The following ASXL3 variants were observed in gnomAD, a reference collection of about 807,000 sequenced individuals.
ASXL3 encodes ASXL transcriptional regulator 3, also known as putative Polycomb group protein ASXL3.
ASXL3 carries 34 observed loss-of-function variants against 170.6 expected under a neutral mutation model. The observed-to-expected ratio is 0.20, with a 90% confidence interval of 0.15 to 0.27. ASXL3 has a LOEUF of 0.27. ASXL3 is among the 10% of genes least tolerant of loss of function. The pLI is 1.00. For missense variants in ASXL3, 2,592 were observed against 2,695.3 expected (o/e 0.96, Z 0.85); for synonymous variants, 1,002 against 989.1 (o/e 1.01, Z -0.24).
At position 33,747,277 on chromosome 18, in the gene ASXL3, G is replaced by C. The variant is rs1302014947; in HGVS notation, c.*682G>C. The C allele has an allele frequency of 6.6e-6, 1 of 152,060 alleles. No homozygotes were observed. The highest frequency in any genetic ancestry group is 2.4e-5 in the African/African-American group (1 of 41,396). The allele number at this position is 152,060 out of a possible 1,614,324, so 9.4% of individuals were successfully genotyped here. ...TTGTAGTGAAATGTGTCCTACATCT[G>C]AAATTGCATGGGACTCATGCCCAGC... On this transcript the variant is annotated 3_prime_UTR_variant, in exon 12 of 12. Transcript: ENST00000269197.
At chr18:33,670,832 G>T in intron 6 of ASXL3, 42 bp downstream of exon 6, 1 of 1,295,268 alleles carries the variant, frequency 7.7e-7, no homozygotes, top group Non-Finnish European at 1.1e-6. Flanking sequence ...GTTTCTTCCT[G>T]GAGGAGACTT....
intron 2 of ASXL3, among the ~76,000 whole-genome samples, chr18:33,618,930 C>T (rs1221989447): frequency 1.3e-5 from 2 of 152,046 alleles, no homozygotes; most frequent in African/African-American, 4.8e-5. Context: ...ATTTTCTTGG[C>T]ATAGTGCTGA....
At chr18:33,680,564 T>C (rs926439801) in intron 7 of ASXL3, among the ~76,000 whole-genome samples, 1 of 152,104 alleles carries the variant, frequency 6.6e-6, no homozygotes, top group African/African-American at 2.4e-5. Flanking sequence ...GTTAAGACTT[T>C]CTGGTAACAT....
intron 2 of ASXL3, among the ~76,000 whole-genome samples, chr18:33,626,363 G>A (rs928378111): frequency 6.6e-5 from 10 of 152,074 alleles, no homozygotes; most frequent in South Asian, 2.1e-4. Context: ...TCAGTCTTGA[G>A]CTCTTTGATC....
Position 33,739,405 on chromosome 18 carries a change from C to G in ASXL3, c.2001C>G (p.Ser667=). ...CAGACAAATACAACCAGAGAAATTC[C>G]ACTGATGAAAACTTTCATGCATCTT... The part of the protein sequence containing the change: ...ENTDKYNQRN[S]TDENFHASLM... The change falls in exon 11 of 12, where the codon TCC becomes TCG. Residue 667 remains serine (S), a synonymous_variant. Coordinates refer to ENST00000269197, the MANE Select transcript of ASXL3 (RefSeq NM_030632.3). The G allele has an allele frequency of 6.2e-7, 1 of 1,613,830 alleles. No individual in the cohort carries two copies. Among genetic ancestry groups the G allele is most frequent in the Non-Finnish European group, 8.5e-7 (1 of 1,179,800 alleles).
chr18:33,608,943 T>C, intron 2 of ASXL3: 1 of 763,758 alleles, frequency 1.3e-6, no homozygotes, highest in Non-Finnish European at 1.6e-6. Context: ...AGGACACCTA[T>C]GCTCAAATTT....
At chr18:33,690,219 A>G (rs1460630473) in intron 8 of ASXL3, 1 of 152,104 alleles carries the variant, frequency 6.6e-6, no homozygotes, top group East Asian at 1.9e-4. Flanking sequence ...TTCTGATCTT[A>G]TAGTATACTT....
At chr18:33,678,921 G>A (rs1388091150) in intron 7 of ASXL3, among the ~76,000 whole-genome samples, 1 of 152,126 alleles carries the variant, frequency 6.6e-6, no homozygotes, top group Non-Finnish European at 1.5e-5. Flanking sequence ...GGACATCTTT[G>A]AAATAGATCT....
chr18:33,670,546 G>A, intron 5 of ASXL3, 127 bp from the exon 6 acceptor site: 1 of 592,262 alleles, frequency 1.7e-6, no homozygotes, highest in South Asian at 3.1e-5. Flanking sequence ...GAGAAATTAG[G>A]GGCTCTGTGG....
At chr18:33,645,568 T>A (rs1278558714) in intron 3 of ASXL3, among the ~76,000 whole-genome samples, 3 of 152,008 alleles carry the variant, frequency 2.0e-5, no homozygotes, top group Non-Finnish European at 4.4e-5. Context: ...TTTAAAGGCA[T>A]TCCCATTTTT....
Position 33,740,391 on chromosome 18 carries a change from C to A in ASXL3, c.2987C>A (p.Pro996Gln). 1 of 1,604,804 alleles carries A rather than the reference C, an allele frequency of 6.2e-7. No homozygotes were observed. The highest frequency in any genetic ancestry group is 1.1e-5 in the South Asian group (1 of 89,520). Residue 996 changes from proline to glutamine, a missense_variant, in exon 11 of 12, where the codon CCA (proline) becomes CAA (glutamine). By Grantham distance (76) the Pro-to-Gln change is moderately conservative. Around this residue, in one of 4 missense-constraint regions of ASXL3, gnomAD observed 2,246 missense variants for 2,219.6 expected, o/e 1.01. Transcript: ENST00000269197. ...QSTRNISSSSPPEKEQPPREE... is the reference protein window; with the variant it reads ...QSTRNISSSSQPEKEQPPREE... ...ACCCGGAACATATCATCTAGCAGCCCACCTGAGAAAGAACAGCCTCCCAGA... is the reference window on the plus strand; with the variant it reads ...ACCCGGAACATATCATCTAGCAGCCAACCTGAGAAAGAACAGCCTCCCAGA...
rs762444928 is a variant in ASXL3 at position 33,746,591 on chromosome 18, G to A, written c.6743G>A (p.Arg2248Gln). 1.9e-6 allele frequency: 3 copies of A among 1,578,198 alleles called. No individual in the cohort carries two copies. Among genetic ancestry groups the A allele is most frequent in the African/African-American group, 1.3e-5 (1 of 74,390 alleles). Residue 2248 changes from arginine to glutamine, a missense_variant, in exon 12 of 12, where the codon CGA becomes CAA. Around this residue, in one of 4 missense-constraint regions of ASXL3, gnomAD observed 22 missense variants for 51.1 expected, o/e 0.43. Coordinates refer to ENST00000269197, the MANE Select transcript of ASXL3 (RefSeq NM_030632.3). ...CTTTGTGTAGCATGCCTGGTTGTACGATAAGAGCTGAGTGAAAGATGCAGT... is the reference window on the plus strand; with the variant it reads ...CTTTGTGTAGCATGCCTGGTTGTACAATAAGAGCTGAGTGAAAGATGCAGT... ...SKLCVACLVV[R>Q] is the part of the protein sequence containing the mutation.
rs369552758 is a variant in ASXL3 at position 33,674,593 on chromosome 18, T to C, written c.715+2727T>C. 6.6e-5 allele frequency among the ~76,000 whole-genome samples: 10 copies of C among 151,990 alleles called. No homozygotes were observed. In the East Asian group the frequency reaches 1.2e-3, roughly 18 times the overall value. On this transcript the variant is annotated intron_variant, in intron 7 of 11. Coordinates refer to ENST00000269197, the MANE Select transcript of ASXL3 (RefSeq NM_030632.3). ...ATGGAATGAAAGGATGGGCCTTAAA[T>C]GTAACCATCTCCAGAAAGTAACCCA...
At chr18:33,599,057 G>A (rs183074072) in intron 1 of ASXL3, among the ~76,000 whole-genome samples, 2 of 152,064 alleles carry the variant, frequency 1.3e-5, no homozygotes, top group Non-Finnish European at 2.9e-5. Flanking sequence ...AAAGAGAAGA[G>A]AAAAATTTTT....
At chr18:33,659,688 A>T (rs1253812148) in intron 4 of ASXL3, among the ~76,000 whole-genome samples, 1 of 152,092 alleles carries the variant, frequency 6.6e-6, no homozygotes, top group African/African-American at 2.4e-5. Context: ...AGGTGTTAAA[A>T]ATTATTCCAG....
chr18:33,724,453 G>T (rs1265346231), intron 8 of ASXL3, among the ~76,000 whole-genome samples: 2 of 151,998 alleles, frequency 1.3e-5, no homozygotes, highest in East Asian at 3.9e-4. Context: ...GAGGAATATA[G>T]TCTCTAGCAT....
chr18:33,646,277 G>A lies in ASXL3; in HGVS notation c.279G>A (p.Thr93=), dbSNP rs776472092. The part of the protein sequence containing the change: ...KEESSCPADG[T]LDLVCESELD... ...AGTCGTCATGCCCAGCAGATGGCACGTTGGATTTAGTCTGTGAATCTGAAT... is the reference window on the plus strand; with the variant it reads ...AGTCGTCATGCCCAGCAGATGGCACATTGGATTTAGTCTGTGAATCTGAAT... The change falls in exon 4 of 12, where the codon ACG becomes ACA. Residue 93 remains threonine (T), a synonymous_variant. Coordinates refer to ENST00000269197, the MANE Select transcript of ASXL3 (RefSeq NM_030632.3). 30 of 1,611,186 alleles carry A rather than the reference G, an allele frequency of 1.9e-5. No homozygotes were observed. The highest frequency in any genetic ancestry group is 4.5e-5 in the East Asian group (2 of 44,774).
intron 8 of ASXL3, among the ~76,000 whole-genome samples, chr18:33,712,452 A>G (rs1170483322): frequency 6.6e-6 from 1 of 152,160 alleles, no homozygotes; most frequent in Non-Finnish European, 1.5e-5. Context: ...AATTTAGGTT[A>G]TTGGGGAAGG....
At position 33,750,287 on chromosome 18, in the gene ASXL3, A is replaced by T. The variant is rs537053479; in HGVS notation, c.*3692A>T. ...TTCAGTCTTCATGCTTTGTCACTGT[A>T]AAAAGAACAAAAAGCATTTTTACTA... is the stretch of plus-strand genomic sequence containing the variant. On this transcript the variant is annotated 3_prime_UTR_variant, in exon 12 of 12. Coordinates refer to ENST00000269197, the MANE Select transcript of ASXL3 (RefSeq NM_030632.3). 5 of 152,356 alleles carry T rather than the reference A, an allele frequency of 3.3e-5. No individual in the cohort carries two copies. The East Asian group carries it at 9.6e-4, about 29-fold the overall frequency. The allele number at this position is 152,356 out of a possible 1,614,324, so 9.4% of individuals were successfully genotyped here. A position where few individuals can be genotyped will look rare whatever the true frequency, so the allele number is the denominator to read the frequency against.
Sources: gnomAD v4.1 joint callset for allele counts (sites outside exome capture counted in the v4.1 genomes callset) on GRCh38, gnomAD v4.1.1 for gene constraint, gnomAD v4.1.1 regional missense constraint, MANE v1.5 for transcripts, NCBI Gene and HGNC (gene_info 2026-07-23, HGNC 2026-07-21) for gene names.